Variants in PTPRS observed in about 807,000 individuals in gnomAD.
PTPRS encodes protein tyrosine phosphatase receptor type S.
A neutral mutation model predicts 215.3 loss-of-function variants in PTPRS; 63 were observed. The ratio of observed to expected loss-of-function variants is 0.29; its 90% CI spans 0.24 to 0.36. The LOEUF is 0.36. PTPRS is among the 10% of genes least tolerant of loss of function. The pLI is 1.00. For synonymous variants in PTPRS, 1,404 were observed against 1,191.4 expected (o/e 1.18, Z -3.68); for missense variants, 2,258 against 2,825.8 (o/e 0.80, Z 4.56).
At chr19:5,336,161 A>G (rs1384702639) in intron 1 of PTPRS, among the ~76,000 whole-genome samples, 1 of 150,906 alleles carries the variant, frequency 6.6e-6, no homozygotes, top group Non-Finnish European at 1.5e-5. Flanking sequence ...CCCCCTCCCC[A>G]GCGCTTCTCA....
Position 5,222,750 on chromosome 19 carries a change from C to T in PTPRS, c.3042G>A (p.Thr1014=), listed in dbSNP as rs367847030. ...TAYDLQVRAH[T]RRGPGPFSPP... ...GGCTGAAGGGGCCAGGGCCCCGGCG[C>T]GTGTGGGCTCGCACTTGGAGGTCAT... The change falls in exon 18 of 38, where the codon ACG becomes ACA. Residue 1014 remains threonine (T), a synonymous_variant. Coordinates refer to ENST00000262963, the MANE Select transcript of PTPRS (RefSeq NM_002850.4). 2.1e-5 allele frequency: 33 copies of T among 1,598,238 alleles called. No homozygotes were observed. Among genetic ancestry groups the T allele is most frequent in the East Asian group, 6.7e-5 (3 of 44,712 alleles).
intron 1 of PTPRS, among the ~76,000 whole-genome samples, chr19:5,340,134 G>T (rs2050642498): frequency 6.7e-6 from 1 of 150,208 alleles, no homozygotes; most frequent in African/African-American, 2.4e-5. Context: ...GAGCCACCCC[G>T]CCTGGAGCCA....
At position 5,256,091 on chromosome 19, in the gene PTPRS, GA is replaced by G. The variant is rs750942304; in HGVS notation, c.718+16del. 6.6e-7 allele frequency: 1 copy of G among 1,513,786 alleles called. No individual in the cohort carries two copies. 93.8% of individuals were successfully genotyped at this position (1,513,786 alleles called of 1,614,324 possible). A position where few individuals can be genotyped will look rare whatever the true frequency, so the allele number is the denominator to read the frequency against. ...AAATGTGGGTAAAGAAAGTAAAAAA[GA>G]AAAAAACACACCAACCTTCTCGAAG... On this transcript the variant is annotated intron_variant, in intron 9 of 37. Coordinates refer to ENST00000262963, the MANE Select transcript of PTPRS (RefSeq NM_002850.4).
rs537462339 is a variant in PTPRS at position 5,307,381 on chromosome 19, C to A, written c.-94-21147G>T. On this transcript the variant is annotated intron_variant, in intron 1 of 37. Coordinates refer to ENST00000262963, the MANE Select transcript of PTPRS (RefSeq NM_002850.4). ...ACAGTACAAGAGGTCAAATAATGAT[C>A]GAAGAGATTAGTATCTTAGTGTTAT... Among the ~76,000 whole-genome samples the A allele has an allele frequency of 3.3e-5, 5 of 151,942 alleles. No homozygotes were observed. In the South Asian group the frequency reaches 1.0e-3, roughly 32 times the overall value.
In PTPRS at chr19:5,208,248, A is replaced by G. The variant is rs149231893; in HGVS notation, c.5631T>C (p.Ser1877=). 47 of 1,603,162 alleles carry G rather than the reference A, an allele frequency of 2.9e-5. No individual in the cohort carries two copies. The African/African-American group carries it at 5.6e-4, about 19-fold the overall frequency. ...KEQFGQDGPI[S]VHCSAGVGRT... ...TCGAGGGAGCTCACCTGCAGTGGAC[A>G]GAGATGGGGCCGTCCTGGCCAAACT... is the stretch of plus-strand genomic sequence containing the variant. Residue 1877 remains serine (S), a synonymous_variant, in exon 36 of 38, where the codon TCT becomes TCC. Coordinates refer to ENST00000262963, the MANE Select transcript of PTPRS (RefSeq NM_002850.4).
chr19:5,338,333 G>GGTGGCCCCCAGGGGGCTGGGAGGC lies in PTPRS; in HGVS notation c.-95+2307_-95+2330dup, dbSNP rs1407866453. Among the ~76,000 whole-genome samples the GGTGGCCCCCAGGGGGCTGGGAGGC allele has an allele frequency of 2.0e-5, 3 of 151,738 alleles. No homozygotes were observed. The highest frequency in any genetic ancestry group is 7.3e-5 in the African/African-American group (3 of 41,254). On this transcript the variant is annotated intron_variant, in intron 1 of 37. Transcript: ENST00000262963. This position sits in a 1 kb window ranked among gnomAD's most constrained non-coding sequence, Gnocchi z 4.2. ...CTCAGGATGATGGAGTATGGCGGGC[G>GGTGGCCCCCAGGGGGCTGGGAGGC]GTGGCCCCCAGGGGGCTGGGAGGCC...
intron 32 of PTPRS, 41 bp downstream of exon 32, chr19:5,211,924 C>A: frequency 1.3e-6 from 2 of 1,549,674 alleles, no homozygotes; most frequent in South Asian, 2.4e-5. Context: ...CTTTGGGCCT[C>A]CTCCCCACCC....
intron 1 of PTPRS, among the ~76,000 whole-genome samples, chr19:5,302,501 T>C (rs1310968871): frequency 2.0e-5 from 3 of 152,166 alleles, no homozygotes; most frequent in Non-Finnish European, 4.4e-5. Context: ...CCAGAAACAT[T>C]GTTACAATGA....
At position 5,235,766 on chromosome 19, in the gene PTPRS, C is replaced by T. The variant is rs1028747616; in HGVS notation, c.1849+3153G>A. Among the ~76,000 whole-genome samples the T allele has an allele frequency of 3.3e-5, 5 of 152,294 alleles. No individual in the cohort carries two copies. The South Asian group carries it at 6.2e-4, about 19-fold the overall frequency. On this transcript the variant is annotated intron_variant, in intron 13 of 37. Coordinates refer to ENST00000262963, the MANE Select transcript of PTPRS (RefSeq NM_002850.4). ...TAAAACAGTGGCTGTATTAATGGGG[C>T]ACCTACTGTGTGCCAGGCAGTATGT... is the stretch of plus-strand genomic sequence containing the variant.
chr19:5,224,235 G>T (rs941689684), intron 17 of PTPRS, among the ~76,000 whole-genome samples: 1 of 152,144 alleles, frequency 6.6e-6, no homozygotes, highest in Non-Finnish European at 1.5e-5. Flanking sequence ...CTTGAAAGAA[G>T]AAAGAGAGGG....
Position 5,262,985 on chromosome 19 carries a change from A to G in PTPRS, c.569-13T>C. The G allele has an allele frequency of 6.3e-7, 1 of 1,581,430 alleles. No individual in the cohort carries two copies. The highest frequency in any genetic ancestry group is 8.6e-7 in the Non-Finnish European group (1 of 1,161,336). On this transcript the variant is annotated splice_polypyrimidine_tract_variant and intron_variant, in intron 5 of 37. Transcript: ENST00000262963. ...TTACCAAAGGTTTCTGAACGTTTAC[A>G]ACAGGAGGATAAGAAAAGAGAACAG...
chr19:5,306,650 C>G (rs2147125475), intron 1 of PTPRS, among the ~76,000 whole-genome samples: 1 of 152,230 alleles, frequency 6.6e-6, no homozygotes, highest in Middle Eastern at 3.4e-3. Context: ...CAACCTCACC[C>G]AATGCCATGG....
chr19:5,238,684 G>C (rs1436827808), intron 13 of PTPRS, among the ~76,000 whole-genome samples: 1 of 152,242 alleles, frequency 6.6e-6, no homozygotes, highest in Non-Finnish European at 1.5e-5. Context: ...CTCAACCCGG[G>C]TCACCAGGCC....
chr19:5,322,922 G>C (rs1309939003), intron 1 of PTPRS, among the ~76,000 whole-genome samples: 2 of 130,902 alleles, frequency 1.5e-5, no homozygotes, highest in Non-Finnish European at 3.4e-5. Context: ...AGAAGAAAAA[G>C]AAAAAACAGA....
rs1382298763 is a variant in PTPRS at position 5,211,844 on chromosome 19, ATAGG to A, written c.5056-80_5056-77del. The A allele has an allele frequency of 6.3e-6, 10 of 1,583,346 alleles. No homozygotes were observed. The African/African-American group carries it at 1.1e-4, about 17-fold the overall frequency. On this transcript the variant is annotated intron_variant, in intron 32 of 37. Transcript: ENST00000262963. ...CTTTCAGCTGGAGCACCAATGGTGGATAGGTAGGTAGGGGCACCCTGCCACCACC... is the reference window on the plus strand; with the variant it reads ...CTTTCAGCTGGAGCACCAATGGTGGATAGGTAGGGGCACCCTGCCACCACC...
intron 1 of PTPRS, among the ~76,000 whole-genome samples, chr19:5,288,004 ACACAC>A (rs1395380423): frequency 2.8e-4 from 41 of 144,186 alleles, no homozygotes; most frequent in East Asian, 2.2e-3. Context: ...ACACACACAC[ACACAC>A]AATCAGGCAA....
chr19:5,229,581 G>T lies in PTPRS; in HGVS notation c.2259C>A (p.Ile753=), dbSNP rs879671549. 1.2e-5 allele frequency: 17 copies of T among 1,441,462 alleles called. No individual in the cohort carries two copies. In the Admixed American group the frequency reaches 4.3e-4, roughly 36 times the overall value. 89.3% of individuals were successfully genotyped at this position (1,441,462 alleles called of 1,614,324 possible). ...GCACGTAGTGGACCTGGTAGCCGCG[G>T]ATCTGGCCGTGCTGCCGGCCGGGCG... ...SPAPGRQHGQ[I]RGYQVHYVRM... The change falls in exon 15 of 38, where the codon ATC becomes ATA. Residue 753 remains isoleucine (I), a synonymous_variant. Transcript: ENST00000262963.
chr19:5,330,354 G>A (rs1330944304), intron 1 of PTPRS, among the ~76,000 whole-genome samples: 1 of 152,202 alleles, frequency 6.6e-6, no homozygotes, highest in East Asian at 1.9e-4. Context: ...ACCTCTCAGG[G>A]CAGTTCTGAG....
At chr19:5,243,837 G>A in intron 11 of PTPRS, 64 bp downstream of exon 11, 2 of 1,334,302 alleles carry the variant, frequency 1.5e-6, no homozygotes, top group South Asian at 1.5e-5. Flanking sequence ...GCGGCTTCCA[G>A]GGAGCATGCA....
Sources: gnomAD v4.1 joint callset for allele counts (sites outside exome capture counted in the v4.1 genomes callset) on GRCh38, gnomAD v4.1.1 for gene constraint, Gnocchi (gnomAD v3.1) non-coding constraint, MANE v1.5 for transcripts, NCBI Gene and HGNC (gene_info 2026-07-23, HGNC 2026-07-21) for gene names.